The following EXOC6B variants were observed in gnomAD, a reference collection of about 807,000 sequenced individuals.
EXOC6B encodes the protein SEC15 homolog B.
EXOC6B carries 54 observed loss-of-function variants against 113.5 expected under a neutral mutation model. The ratio of observed to expected loss-of-function variants is 0.48; its 90% CI spans 0.38 to 0.60. The LOEUF is 0.60. Ranked by LOEUF, EXOC6B falls within the 20% of genes least tolerant of loss-of-function variation. The pLI is 0.00. For synonymous variants in EXOC6B, 357 were observed against 339.0 expected (o/e 1.05, Z -0.58); for missense variants, 797 against 977.5 (o/e 0.82, Z 2.46).
At chr2:72,306,554 A>G (rs150440531) in intron 20 of EXOC6B, among the ~76,000 whole-genome samples, 1 of 152,196 alleles carries the variant, frequency 6.6e-6, no homozygotes, top group Non-Finnish European at 1.5e-5. Context: ...AATGTTTCTC[A>G]TATTTCTTTA....
At chr2:72,626,812 T>C (rs1672079511) in intron 6 of EXOC6B, among the ~76,000 whole-genome samples, 1 of 151,948 alleles carries the variant, frequency 6.6e-6, no homozygotes, top group East Asian at 1.9e-4. Context: ...AGAAAACCCC[T>C]TTTTTGTTTT....
intron 20 of EXOC6B, among the ~76,000 whole-genome samples, chr2:72,279,147 A>T (rs536755921): frequency 6.6e-6 from 1 of 152,250 alleles, no homozygotes; most frequent in East Asian, 1.9e-4. Flanking sequence ...CCTTCCCTTC[A>T]CTATCTCTTC....
intron 20 of EXOC6B, among the ~76,000 whole-genome samples, chr2:72,191,752 T>C (rs1678847270): frequency 6.6e-6 from 1 of 152,172 alleles, no homozygotes; most frequent in Admixed American, 6.5e-5. Flanking sequence ...ACCTTAGGAA[T>C]GCGATTATTA....
At chr2:72,523,506 C>T (rs1031239793) in intron 8 of EXOC6B, among the ~76,000 whole-genome samples, 53 of 152,216 alleles carry the variant, frequency 3.5e-4, no homozygotes, top group Admixed American at 3.1e-3. Flanking sequence ...CGGCTGGGCG[C>T]GGTGGCTCAC....
At chr2:72,754,454 A>C (rs1682271385) in intron 1 of EXOC6B, among the ~76,000 whole-genome samples, 1 of 151,286 alleles carries the variant, frequency 6.6e-6, no homozygotes, top group Admixed American at 6.6e-5. Context: ...GTACTGTCAA[A>C]CTCCTAGCCT....
At chr2:72,710,327 T>G (rs1002286156) in intron 6 of EXOC6B, among the ~76,000 whole-genome samples, 3 of 152,186 alleles carry the variant, frequency 2.0e-5, no homozygotes, top group Non-Finnish European at 4.4e-5. Context: ...ATCTTTTAAA[T>G]TTAATGGTCA....
rs1292790108 is a variant in EXOC6B at position 72,385,199 on chromosome 2, T to A, written c.1981-5329A>T. Among the ~76,000 whole-genome samples the A allele has an allele frequency of 3.9e-5, 6 of 152,096 alleles. No individual in the cohort carries two copies. The East Asian group carries it at 1.2e-3, about 29-fold the overall frequency. ...TGGAACAGAACACAGAACTCTGTAA[T>A]AAACCCACACATTTATGGTCAACAA... is the stretch of plus-strand genomic sequence containing the variant. On this transcript the variant is annotated intron_variant, in intron 18 of 21. Transcript: ENST00000272427.
chr2:72,413,453 C>T (rs1694313616), intron 18 of EXOC6B, among the ~76,000 whole-genome samples: 1 of 149,786 alleles, frequency 6.7e-6, no homozygotes, highest in African/African-American at 2.4e-5. Flanking sequence ...TTTGGGAGGC[C>T]GAGGTGGGCA....
rs1399825512 is a variant in EXOC6B at position 72,515,273 on chromosome 2, A to G, written c.916-147T>C. The stretch of plus-strand genomic sequence containing the variant: ...ATTTTAACATTGATGATAACAATAG[A>G]AAATACAAATAACTATTACCATGTA... On this transcript the variant is annotated intron_variant, in intron 8 of 21. Transcript: ENST00000272427. 5 of 917,144 alleles carry G rather than the reference A, an allele frequency of 5.5e-6. No homozygotes were observed. In the African/African-American group the frequency reaches 8.4e-5, roughly 15 times the overall value. 56.8% of individuals were successfully genotyped at this position (917,144 alleles called of 1,614,324 possible). A position where few individuals can be genotyped will look rare whatever the true frequency, so the allele number is the denominator to read the frequency against.
intron 6 of EXOC6B, 43 bp from the exon 7 acceptor site, chr2:72,575,711 G>A: frequency 7.0e-7 from 1 of 1,422,474 alleles, no homozygotes; most frequent in Non-Finnish European, 9.2e-7. Context: ...AAAAAGGTGG[G>A]GTTAGGGAGA....
Position 72,825,914 on chromosome 2 carries a change from C to G in EXOC6B, c.-4G>C, listed in dbSNP as rs977152342. On this transcript the variant is annotated 5_prime_UTR_variant, in exon 1 of 22. Coordinates refer to ENST00000272427, the MANE Select transcript of EXOC6B (RefSeq NM_015189.3). This position sits in a 1 kb window ranked among gnomAD's most constrained non-coding sequence, Gnocchi z 4.4. ...CCGCCATCTTACCCCGCTCCATAGACTGGGGGCGCCCCGCAGCGCGTCCCC... is the reference window on the plus strand; with the variant it reads ...CCGCCATCTTACCCCGCTCCATAGAGTGGGGGCGCCCCGCAGCGCGTCCCC... 1 of 1,611,860 alleles carries G rather than the reference C, an allele frequency of 6.2e-7. No homozygotes were observed. Among genetic ancestry groups the G allele is most frequent in the African/African-American group, 1.3e-5 (1 of 74,934 alleles).
intron 20 of EXOC6B, among the ~76,000 whole-genome samples, chr2:72,295,998 C>T (rs760861498): frequency 5.9e-5 from 9 of 151,864 alleles, no homozygotes; most frequent in Non-Finnish European, 1.2e-4. Flanking sequence ...AAGGACATCC[C>T]CTTAAAGATG....
chr2:72,469,175 C>G (rs1455656792), intron 17 of EXOC6B, among the ~76,000 whole-genome samples: 1 of 152,050 alleles, frequency 6.6e-6, no homozygotes, highest in Non-Finnish European at 1.5e-5. Context: ...CATAATGTCA[C>G]TAATTCACCA....
chr2:72,406,359 G>C (rs1290136558), intron 18 of EXOC6B, among the ~76,000 whole-genome samples: 1 of 152,030 alleles, frequency 6.6e-6, no homozygotes, highest in African/African-American at 2.4e-5. Context: ...AGACCTAATA[G>C]ACATCTACAG....
chr2:72,664,612 C>G (rs559517981), intron 6 of EXOC6B, among the ~76,000 whole-genome samples: 1 of 152,214 alleles, frequency 6.6e-6, no homozygotes, highest in East Asian at 1.9e-4. Flanking sequence ...TAGGCGCTCA[C>G]CCTTCAAGGC....
chr2:72,322,542 T>C (rs925500665), intron 20 of EXOC6B, among the ~76,000 whole-genome samples: 1 of 152,166 alleles, frequency 6.6e-6, no homozygotes, highest in African/African-American at 2.4e-5. Flanking sequence ...GCACATTTTA[T>C]TGTATATTAG....
At chr2:72,688,567 G>GAGA (rs934680533) in intron 6 of EXOC6B, among the ~76,000 whole-genome samples, 18 of 152,102 alleles carry the variant, frequency 1.2e-4, no homozygotes, top group African/African-American at 4.1e-4. Context: ...GGCAGGAGGA[G>GAGA]AGAAGAGGTG....
In EXOC6B at chr2:72,387,590, C is replaced by T. The variant is rs570172123; in HGVS notation, c.1981-7720G>A. Among the ~76,000 whole-genome samples the T allele has an allele frequency of 2.0e-5, 3 of 151,942 alleles. No individual in the cohort carries two copies. In the East Asian group the frequency reaches 5.8e-4, roughly 29 times the overall value. ...TTATAAATGTATAATTTGTGTAATTCAAAGAATTTAACCAAGTCACCTACA... is the reference window on the plus strand; with the variant it reads ...TTATAAATGTATAATTTGTGTAATTTAAAGAATTTAACCAAGTCACCTACA... On this transcript the variant is annotated intron_variant, in intron 18 of 21. Coordinates refer to ENST00000272427, the MANE Select transcript of EXOC6B (RefSeq NM_015189.3).
At chr2:72,269,415 G>A (rs189513531) in intron 20 of EXOC6B, among the ~76,000 whole-genome samples, 1 of 152,274 alleles carries the variant, frequency 6.6e-6, no homozygotes, top group East Asian at 1.9e-4. Context: ...GAGAGTTCAT[G>A]GCTATCTGAA....
Sources: gnomAD v4.1 joint callset for allele counts (sites outside exome capture counted in the v4.1 genomes callset) on GRCh38, gnomAD v4.1.1 for gene constraint, Gnocchi (gnomAD v3.1) non-coding constraint, MANE v1.5 for transcripts, NCBI Gene and HGNC (gene_info 2026-07-23, HGNC 2026-07-21) for gene names.